The following RUVBL1 variants were observed in gnomAD, a reference collection of about 807,000 sequenced individuals.
RUVBL1 encodes the protein ruvB-like 1.
A neutral mutation model predicts 52.4 loss-of-function variants in RUVBL1; 4 were observed. The ratio of observed to expected loss-of-function variants is 0.08; its 90% confidence interval spans 0.04 to 0.17. The LOEUF (loss-of-function observed/expected upper bound fraction) is 0.17, where lower values mean the gene tolerates loss of function less well. RUVBL1 is among the 10% of genes least tolerant of loss of function. RUVBL1 has a pLI of 1.00. For synonymous variants in RUVBL1, 217 were observed against 214.4 expected, an observed-to-expected ratio of 1.01 and a Z score of -0.10; for missense variants, 298 against 572.8, an observed-to-expected ratio of 0.52 and a Z score of 4.90.
At chr3:128,065,623 G>T (rs1941949123) in intron 9 of RUVBL1, among the ~76,000 whole-genome samples, 1 of 152,024 alleles carries the variant, frequency 6.6e-6, no homozygotes, top group African/African-American at 2.4e-5. Context: ...GTATTTATAC[G>T]AGCTACATGC....
At chr3:128,078,470 G>A (rs1180938951), downstream of RUVBL1, among the ~76,000 whole-genome samples, 1 of 152,172 alleles carries the variant, frequency 6.6e-6, no homozygotes, top group African/African-American at 2.4e-5. Flanking sequence ...ATTAGCACAG[G>A]AGACAGGGCG....
intron 1 of RUVBL1, among the ~76,000 whole-genome samples, chr3:128,150,793 ATATAT>A (rs1468714283): frequency 6.2e-5 from 5 of 80,632 alleles, no homozygotes; most frequent in South Asian, 3.8e-4. Flanking sequence ...TATATATTCT[ATATAT>A]TATATATTCT....
Position 128,097,364 on chromosome 3 carries a change from C to T in RUVBL1, c.952G>A (p.Ala318Thr). The T allele has an allele frequency of 1.9e-6, 3 of 1,614,176 alleles. No homozygotes were observed. The highest frequency in any genetic ancestry group is 2.5e-6 in the Non-Finnish European group (3 of 1,180,042). ...ATGGGAGCGATAGAAGACTCCAGGG[C>T]GCGGTGCAGGTAGGTGAAGCACTCA... ...DIECFTYLHR[A>T]LESSIAPIVI... Residue 318 changes from alanine to threonine, a missense_variant, in exon 8 of 11, where the codon GCC becomes ACC. By Grantham distance (58) the Ala-to-Thr change is moderately conservative (BLOSUM62 0). Transcript: ENST00000322623.
chr3:128,103,694 A>G (rs1407815970), intron 4 of RUVBL1, among the ~76,000 whole-genome samples: 2 of 152,248 alleles, frequency 1.3e-5, no homozygotes, highest in South Asian at 4.1e-4. Context: ...CAGCTCTGCC[A>G]CATGACTGGC....
At chr3:128,099,216 G>C (rs1029978707) in intron 6 of RUVBL1, among the ~76,000 whole-genome samples, 1 of 152,116 alleles carries the variant, frequency 6.6e-6, no homozygotes, top group Non-Finnish European at 1.5e-5. Flanking sequence ...CTTGTTCCTT[G>C]ATTAGCCACA....
chr3:128,130,327 C>G (rs1943853576), intron 1 of RUVBL1, among the ~76,000 whole-genome samples: 1 of 152,006 alleles, frequency 6.6e-6, no homozygotes, highest in African/African-American at 2.4e-5. Flanking sequence ...TGTGAACAGA[C>G]TACCAAAACT....
chr3:128,107,405 G>A (rs893088046), intron 3 of RUVBL1, among the ~76,000 whole-genome samples: 3 of 152,252 alleles, frequency 2.0e-5, no homozygotes, highest in African/African-American at 4.8e-5. Context: ...AGGGTGGCTT[G>A]ATAAGGATTT....
exon 1 of RUVBL1, chr3:128,153,878 G>A: frequency 2.1e-6 from 3 of 1,444,050 alleles, no homozygotes; most frequent in Non-Finnish European, 2.7e-6. Context: ...GAGCGACCGG[G>A]CCCCGTGTCC....
intron 1 of RUVBL1, among the ~76,000 whole-genome samples, chr3:128,136,230 A>G (rs918700991): frequency 3.3e-5 from 5 of 152,114 alleles, no homozygotes; most frequent in African/African-American, 1.2e-4. Flanking sequence ...ATAATCAGAA[A>G]AAAAAAACCA....
In RUVBL1 at chr3:128,106,029, C is replaced by G. The variant is rs923105901; in HGVS notation, c.362-1105G>C. On this transcript the variant is annotated intron_variant, in intron 3 of 10. Transcript: ENST00000322623. Reference sequence around the variant, plus strand: ...GGATTACAGGCGTGCACCACCACATCTGGCTAATTTTTGGGGTTTTTTTGT... The same window carrying G: ...GGATTACAGGCGTGCACCACCACATGTGGCTAATTTTTGGGGTTTTTTTGT... Among the ~76,000 whole-genome samples, 7 of 152,218 alleles carry G rather than the reference C, an allele frequency of 4.6e-5. No homozygotes were observed. The South Asian group carries it at 1.5e-3, about 32-fold the overall frequency.
chr3:128,137,173 C>T (rs865794423), intron 1 of RUVBL1, among the ~76,000 whole-genome samples: 8 of 151,482 alleles, frequency 5.3e-5, no homozygotes, highest in Admixed American at 3.3e-4. Context: ...CAAGAACAAA[C>T]CAAATCTAAA....
At chr3:128,103,410 C>A (rs1943150152) in intron 4 of RUVBL1, among the ~76,000 whole-genome samples, 1 of 152,166 alleles carries the variant, frequency 6.6e-6, no homozygotes, top group Admixed American at 6.5e-5. Flanking sequence ...TTTGCAGAGG[C>A]AAGTTCCTGA....
chr3:128,122,140 C>T (rs1386777591), intron 1 of RUVBL1, among the ~76,000 whole-genome samples: 1 of 152,186 alleles, frequency 6.6e-6, no homozygotes, highest in Non-Finnish European at 1.5e-5. Flanking sequence ...TACTGGCTCT[C>T]GCACTTACCA....
At chr3:128,103,834 TG>T (rs1222147664) in intron 4 of RUVBL1, among the ~76,000 whole-genome samples, 1 of 152,188 alleles carries the variant, frequency 6.6e-6, no homozygotes, top group Non-Finnish European at 1.5e-5. Flanking sequence ...AAATGTTTGT[TG>T]AAGCACTTAG....
downstream of RUVBL1, among the ~76,000 whole-genome samples, chr3:128,078,192 C>T (rs1296954024): frequency 2.0e-5 from 3 of 152,250 alleles, no homozygotes; most frequent in African/African-American, 2.4e-5. Flanking sequence ...AGTGCAACCC[C>T]AGCCCCCTTC....
At chr3:128,112,427 C>T (rs1167627428) in intron 3 of RUVBL1, among the ~76,000 whole-genome samples, 1 of 152,146 alleles carries the variant, frequency 6.6e-6, no homozygotes, top group Admixed American at 6.5e-5. Flanking sequence ...GCGCCATAAG[C>T]CTCTAAGCTC....
At position 128,097,305 on chromosome 3, in the gene RUVBL1, G is replaced by A; in HGVS notation, c.1011C>T (p.Val337=). Residue 337 remains valine, a synonymous_variant, in exon 8 of 11, where the codon GTC becomes GTT. Transcript: ENST00000322623. ...CTGGCAGGCAGCCATCCTACCTGAT[G>A]ACACAGTTGCCTCGGTTGGATGCAA... is the stretch of plus-strand genomic sequence containing the variant. The part of the protein sequence containing the change: ...VIFASNRGNC[V]IRGTEDITSP... 1 of 1,613,974 alleles carries A rather than the reference G, an allele frequency of 6.2e-7. No individual in the cohort carries two copies.
intron 3 of RUVBL1, among the ~76,000 whole-genome samples, chr3:128,106,465 C>G (rs755582996): frequency 8.6e-5 from 13 of 152,034 alleles, no homozygotes; most frequent in East Asian, 3.9e-4. Flanking sequence ...GTATCCCCCC[C>G]CCCTTCACAC....
At chr3:128,093,869 A>C (rs1466469361) in intron 8 of RUVBL1, among the ~76,000 whole-genome samples, 2 of 152,112 alleles carry the variant, frequency 1.3e-5, no homozygotes, top group Non-Finnish European at 2.9e-5. Flanking sequence ...TTCTTCTAGA[A>C]CGGCTCCCAC....
Sources: gnomAD v4.1 joint callset for allele counts (sites outside exome capture counted in the v4.1 genomes callset) on GRCh38, gnomAD v4.1.1 for gene constraint, MANE v1.5 for transcripts, NCBI Gene and HGNC (gene_info 2026-07-23, HGNC 2026-07-21) for gene names.